The following NEURL1B variants were observed in gnomAD, a reference collection of about 807,000 sequenced individuals.
The protein encoded by NEURL1B is neuralized E3 ubiquitin protein ligase 1B, also known as E3 ubiquitin-protein ligase NEURL1B.
A neutral mutation model predicts 37.4 loss-of-function variants in NEURL1B; 13 were observed. The observed-to-expected ratio is 0.35, with a 90% CI of 0.23 to 0.55. The LOEUF (loss-of-function observed/expected upper bound fraction) is 0.55. NEURL1B is among the 20% of genes least tolerant of loss of function. The pLI is 0.89. For missense variants in NEURL1B, 790 were observed against 879.2 expected (o/e 0.90, Z 1.28); for synonymous variants, 432 against 426.6 (o/e 1.01, Z -0.16).
intron 1 of NEURL1B, among the ~76,000 whole-genome samples, chr5:172,651,583 C>A (rs565326071): frequency 6.6e-6 from 1 of 152,190 alleles, no homozygotes; most frequent in Admixed American, 6.5e-5. Context: ...GACGCAAACT[C>A]TTCCTCTTTC....
chr5:172,666,735 A>G (rs943118635), intron 1 of NEURL1B, among the ~76,000 whole-genome samples: 5 of 152,178 alleles, frequency 3.3e-5, no homozygotes, highest in African/African-American at 7.2e-5. Context: ...CCACGGCCCA[A>G]CGCTGAGGGA....
In NEURL1B at chr5:172,687,622, A is replaced by C. The variant is rs1450662653; in HGVS notation, c.*697A>C. On this transcript the variant is annotated 3_prime_UTR_variant, in exon 5 of 5. Transcript: ENST00000369800. Reference sequence around the variant, plus strand: ...TTACTGGGTCTTAGAGCTGGGTGTGATGGGCACCGAGGCCAACCCCTCTGG... The same window carrying C: ...TTACTGGGTCTTAGAGCTGGGTGTGCTGGGCACCGAGGCCAACCCCTCTGG... 1 of 152,240 alleles carries C rather than the reference A, an allele frequency of 6.6e-6. No individual in the cohort carries two copies. The highest frequency in any genetic ancestry group is 1.9e-4 in the East Asian group (1 of 5,178). The allele number at this position is 152,240 out of a possible 1,614,324, so 9.4% of individuals were successfully genotyped here.
rs1757460356 is a variant in NEURL1B, at chr5:172,641,576, G to T, written c.31+139G>T. The T allele has an allele frequency of 5.6e-6, 4 of 713,484 alleles. No homozygotes were observed. In the African/African-American group the frequency reaches 7.4e-5, roughly 13 times the overall value. 44.2% of individuals were successfully genotyped at this position (713,484 alleles called of 1,614,324 possible). A position where few individuals can be genotyped will look rare whatever the true frequency, so the allele number is the denominator to read the frequency against. ...GGGCTGGAGTCTCCGGTACCTCCCG[G>T]ACCTCAGCTCGGCGCGCGCCCCGCG... On this transcript the variant is annotated intron_variant, in intron 1 of 4. Transcript: ENST00000369800. This position sits in a 1 kb window ranked among gnomAD's most constrained non-coding sequence, Gnocchi z 6.4.
chr5:172,660,248 G>A (rs1757869569), intron 1 of NEURL1B, among the ~76,000 whole-genome samples: 1 of 152,228 alleles, frequency 6.6e-6, no homozygotes, highest in Admixed American at 6.5e-5. Flanking sequence ...CCGGCAGAGG[G>A]TCGGAGTCAG....
rs997652774 is a variant in NEURL1B at position 172,689,040 on chromosome 5, G to C, written c.*2115G>C. The C allele has an allele frequency of 4.6e-5, 7 of 152,246 alleles. No individual in the cohort carries two copies. The highest frequency in any genetic ancestry group is 1.7e-4 in the African/African-American group (7 of 41,450). 9.4% of individuals were successfully genotyped at this position (152,246 alleles called of 1,614,324 possible). ...CGGGGTCACGTCCAGCCTCCACTGGGAAACCAGTGACTGAGGCCTGGACCC... is the reference window on the plus strand; with the variant it reads ...CGGGGTCACGTCCAGCCTCCACTGGCAAACCAGTGACTGAGGCCTGGACCC... On this transcript the variant is annotated 3_prime_UTR_variant, in exon 5 of 5. Coordinates refer to ENST00000369800, the MANE Select transcript of NEURL1B (RefSeq NM_001142651.3).
chr5:172,645,574 C>T (rs946537296), intron 1 of NEURL1B, among the ~76,000 whole-genome samples: 4 of 152,148 alleles, frequency 2.6e-5, no homozygotes, highest in Non-Finnish European at 5.9e-5. Flanking sequence ...GCATGGATGG[C>T]CCATGGAGTG....
chr5:172,677,846 C>T (rs930150676), intron 2 of NEURL1B, among the ~76,000 whole-genome samples: 3 of 152,214 alleles, frequency 2.0e-5, no homozygotes, highest in Non-Finnish European at 4.4e-5. Context: ...AGCCCCCTCA[C>T]CAGCCACAGT....
At chr5:172,652,983 A>T (rs1050694139) in intron 1 of NEURL1B, among the ~76,000 whole-genome samples, 12 of 151,660 alleles carry the variant, frequency 7.9e-5, no homozygotes, top group Non-Finnish European at 1.3e-4. Context: ...TTCACTGTAC[A>T]AACAGCAGTC....
At chr5:172,658,454 G>A (rs769087696) in intron 1 of NEURL1B, among the ~76,000 whole-genome samples, 1 of 152,182 alleles carries the variant, frequency 6.6e-6, no homozygotes, top group African/African-American at 2.4e-5. Context: ...GGAGAGAGAA[G>A]AGAAGGCTGC....
chr5:172,655,324 G>T (rs1003643290), intron 1 of NEURL1B, among the ~76,000 whole-genome samples: 24 of 152,146 alleles, frequency 1.6e-4, no homozygotes, highest in African/African-American at 5.8e-4. Context: ...TGCCTTCCTC[G>T]TCCTGGGAGG....
rs934665079 is a variant in NEURL1B, at chr5:172,676,983, G to C, written c.578-6436G>C. ...TCTGAGCGCACCATTCCAGGCTGCAGGAGAGGAAACTGAGGCCCAGAGAAA... is the reference window on the plus strand; with the variant it reads ...TCTGAGCGCACCATTCCAGGCTGCACGAGAGGAAACTGAGGCCCAGAGAAA... On this transcript the variant is annotated intron_variant, in intron 2 of 4. Transcript: ENST00000369800. This position sits in a 1 kb window ranked among gnomAD's most constrained non-coding sequence, Gnocchi z 4.5. Among the ~76,000 whole-genome samples the C allele has an allele frequency of 6.6e-6, 1 of 152,162 alleles. No individual in the cohort carries two copies. Among genetic ancestry groups the C allele is most frequent in the Non-Finnish European group, 1.5e-5 (1 of 68,048 alleles).
rs879526943 is a variant in NEURL1B at position 172,684,021 on chromosome 5, G to A, written c.1180G>A (p.Val394Met). ...CTTCACGCTGCGGCCCGGCGGCGACGTGCTCCTGGGCATCAACGGGCGTCC... is the reference window on the plus strand; with the variant it reads ...CTTCACGCTGCGGCCCGGCGGCGACATGCTCCTGGGCATCAACGGGCGTCC... ...LSFTLRPGGD[V>M]LLGINGRPRG... Residue 394 changes from valine (V) to methionine (M), a missense_variant, in exon 3 of 5, where the codon GTG becomes ATG. Coordinates refer to ENST00000369800, the MANE Select transcript of NEURL1B (RefSeq NM_001142651.3). The A allele has an allele frequency of 4.5e-6, 6 of 1,338,558 alleles. No homozygotes were observed. Among genetic ancestry groups the A allele is most frequent in the Admixed American group, 3.5e-5 (1 of 28,702 alleles). 82.9% of individuals were successfully genotyped at this position (1,338,558 alleles called of 1,614,324 possible). A position where few individuals can be genotyped will look rare whatever the true frequency, so the allele number is the denominator to read the frequency against.
chr5:172,658,226 C>T (rs1239205409), intron 1 of NEURL1B, among the ~76,000 whole-genome samples: 3 of 152,180 alleles, frequency 2.0e-5, no homozygotes, highest in Admixed American at 1.3e-4. Context: ...TTATTTATTA[C>T]AATCTCTCGT....
rs1485468273 is a variant in NEURL1B, at chr5:172,669,828, C to T, written c.75C>T (p.Cys25=). ...PARLLATRPC[C]GPGPERRPVL... ...GCCTCCTGGCCACCCGGCCGTGCTG[C>T]GGCCCCGGCCCCGAGCGACGCCCGG... Residue 25 remains cysteine (C), a synonymous_variant, in exon 2 of 5, where the codon TGC becomes TGT. Transcript: ENST00000369800. 9.1e-6 allele frequency: 12 copies of T among 1,320,942 alleles called. No homozygotes were observed. The East Asian group carries it at 2.3e-4, about 26-fold the overall frequency. The allele number at this position is 1,320,942 out of a possible 1,614,324, so 81.8% of individuals were successfully genotyped here.
At position 172,689,973 on chromosome 5, in the gene NEURL1B, C is replaced by G. The variant is rs1317028913; in HGVS notation, c.*3048C>G. 6.6e-6 allele frequency: 1 copy of G among 152,236 alleles called. No homozygotes were observed. The highest frequency in any genetic ancestry group is 1.5e-5 in the Non-Finnish European group (1 of 68,084). The allele number at this position is 152,236 out of a possible 1,614,324, so 9.4% of individuals were successfully genotyped here. A position where few individuals can be genotyped will look rare whatever the true frequency, so the allele number is the denominator to read the frequency against. On this transcript the variant is annotated 3_prime_UTR_variant, in exon 5 of 5. Coordinates refer to ENST00000369800, the MANE Select transcript of NEURL1B (RefSeq NM_001142651.3). The stretch of plus-strand genomic sequence containing the variant: ...GGGGTGTCCACAGTTAGGAAGGGAC[C>G]TGGGGCCTTGTCCCACCACCTTCCT...
rs60738970 is a variant in NEURL1B, at chr5:172,663,829, TTTATTA to T, written c.32-5932_32-5927del. On this transcript the variant is annotated intron_variant, in intron 1 of 4. Transcript: ENST00000369800. ...TTCCTGGCAAAAGAGGTTTTATTTG[TTTATTA>T]TTATTATTATTATTATTATTATTTA... 8.2e-4 allele frequency among the ~76,000 whole-genome samples: 116 copies of T among 140,846 alleles called. 1 individual carries two copies. The highest frequency in any genetic ancestry group is 2.5e-3 in the African/African-American group (97 of 38,580). The allele number at this position is 140,846 out of a possible 152,430, so 92.4% of individuals were successfully genotyped here.
chr5:172,644,073 G>A (rs1248614545), intron 1 of NEURL1B, among the ~76,000 whole-genome samples: 1 of 152,114 alleles, frequency 6.6e-6, no homozygotes, highest in Admixed American at 6.5e-5. Flanking sequence ...CACGCTGTAT[G>A]TGTAGTTAGC....
At chr5:172,668,776 C>T (rs1201363538) in intron 1 of NEURL1B, among the ~76,000 whole-genome samples, 2 of 152,132 alleles carry the variant, frequency 1.3e-5, no homozygotes, top group African/African-American at 2.4e-5. Context: ...GATCCCAGAG[C>T]CCCCCAGGAA....
Position 172,686,993 on chromosome 5 carries a change from C to A in NEURL1B, c.*68C>A. ...CTGAAGGCCCCCTGGGCTGGGCAAC[C>A]ACATGGCTGCCAGGGAGTCCACGGG... On this transcript the variant is annotated 3_prime_UTR_variant, in exon 5 of 5. Transcript: ENST00000369800. This position sits in a 1 kb window ranked among gnomAD's most constrained non-coding sequence, Gnocchi z 7.9. 1 of 1,491,740 alleles carries A rather than the reference C, an allele frequency of 6.7e-7. No individual in the cohort carries two copies. The allele number at this position is 1,491,740 out of a possible 1,614,324, so 92.4% of individuals were successfully genotyped here.
Sources: gnomAD v4.1 joint callset for allele counts (sites outside exome capture counted in the v4.1 genomes callset) on GRCh38, gnomAD v4.1.1 for gene constraint, Gnocchi (gnomAD v3.1) non-coding constraint, MANE v1.5 for transcripts, NCBI Gene and HGNC (gene_info 2026-07-23, HGNC 2026-07-21) for gene names.